Variants in KATNAL1 observed in about 807,000 individuals in gnomAD.
KATNAL1 encodes the protein katanin p60 ATPase-containing subunit A-like 1.
In KATNAL1, 32 loss-of-function variants were observed where a neutral mutation model predicts 55.2. The ratio of observed to expected loss-of-function variants is 0.58; its 90% CI spans 0.44 to 0.78. The LOEUF is 0.78. Ranked by LOEUF, KATNAL1 falls within the 30% of genes least tolerant of loss-of-function variation. The pLI, the probability that KATNAL1 is intolerant of heterozygous loss-of-function variation, is 0.00. For missense variants in KATNAL1, 466 were observed against 600.9 expected, an observed-to-expected ratio of 0.78 and a Z score of 2.35; for synonymous variants, 193 against 193.6, an observed-to-expected ratio of 1.00 and a Z score of 0.02.
chr13:30,208,423 TCC>T lies in KATNAL1; in HGVS notation c.*115_*116del. On this transcript the variant is annotated 3_prime_UTR_variant, in exon 11 of 11. Transcript: ENST00000380615. Reference sequence around the variant, plus strand: ...TTCTTCGCAGTTTTAGATTTTTTTTTCCTTTAAGCGAAAACCACTCCACTGAA... The same window carrying T: ...TTCTTCGCAGTTTTAGATTTTTTTTTTTTAAGCGAAAACCACTCCACTGAA... 6.4e-6 allele frequency: 5 copies of T among 782,288 alleles called. No individual in the cohort carries two copies. Among genetic ancestry groups the T allele is most frequent in the Non-Finnish European group, 7.9e-6 (4 of 506,724 alleles). The allele number at this position is 782,288 out of a possible 1,614,324, so 48.5% of individuals were successfully genotyped here.
chr13:30,273,920 AC>A (rs112030252), intron 3 of KATNAL1, among the ~76,000 whole-genome samples: 12,802 of 152,134 alleles, frequency 0.084, 733 homozygotes, highest in African/African-American at 0.16. Context: ...CTCATTAATC[AC>A]CAAATCCAGT....
At chr13:30,217,713 C>T (rs1874429902) in intron 9 of KATNAL1, among the ~76,000 whole-genome samples, 1 of 152,194 alleles carries the variant, frequency 6.6e-6, no homozygotes, top group African/African-American at 2.4e-5. Context: ...CCTGCTCTCA[C>T]TTAGCCTCTG....
chr13:30,295,728 A>C (rs1383913434), intron 1 of KATNAL1, among the ~76,000 whole-genome samples: 1 of 152,220 alleles, frequency 6.6e-6, no homozygotes, highest in African/African-American at 2.4e-5. Context: ...ACAATAAAGG[A>C]TTTAGATTAC....
chr13:30,286,021 A>G (rs925837778), intron 1 of KATNAL1, among the ~76,000 whole-genome samples: 13 of 152,216 alleles, frequency 8.5e-5, no homozygotes, highest in Admixed American at 1.3e-4. Context: ...ATTGCTCTTA[A>G]AAGCATACAG....
rs1712380259 is a variant in KATNAL1, at chr13:30,203,909, A to G, written c.*4631T>C. On this transcript the variant is annotated 3_prime_UTR_variant, in exon 11 of 11. Transcript: ENST00000380615. The stretch of plus-strand genomic sequence containing the variant: ...ATGTCAAAAAAATTTAAGTATGAAA[A>G]GCCTAATTTAAAAGTATAAATAAGT... 6.6e-6 allele frequency: 1 copy of G among 152,198 alleles called. No individual in the cohort carries two copies. Among genetic ancestry groups the G allele is most frequent in the Admixed American group, 6.5e-5 (1 of 15,282 alleles). 9.4% of individuals were successfully genotyped at this position (152,198 alleles called of 1,614,324 possible).
intron 4 of KATNAL1, among the ~76,000 whole-genome samples, chr13:30,244,078 C>T (rs1282097521): frequency 6.6e-6 from 1 of 152,090 alleles, no homozygotes; most frequent in East Asian, 1.9e-4. Flanking sequence ...TATCCTTCCC[C>T]TAGTCCCCCA....
chr13:30,237,862 T>C (rs895256765), intron 6 of KATNAL1, among the ~76,000 whole-genome samples: 1 of 152,212 alleles, frequency 6.6e-6, no homozygotes, highest in African/African-American at 2.4e-5. Context: ...TATTTTGCCA[T>C]AGGCAAAAGC....
At chr13:30,285,740 C>G (rs762066623) in intron 1 of KATNAL1, among the ~76,000 whole-genome samples, 27 of 152,080 alleles carry the variant, frequency 1.8e-4, no homozygotes, top group Non-Finnish European at 2.9e-5. Context: ...CAGAAGAACA[C>G]AGAAAAATGT....
At chr13:30,300,571 A>G (rs747452803) in intron 1 of KATNAL1, among the ~76,000 whole-genome samples, 16 of 152,202 alleles carry the variant, frequency 1.1e-4, no homozygotes, top group Non-Finnish European at 2.1e-4. Context: ...TATGTCATAC[A>G]ATGGCTGCTA....
intron 4 of KATNAL1, among the ~76,000 whole-genome samples, chr13:30,242,177 C>T (rs1006723260): frequency 2.0e-5 from 3 of 152,234 alleles, no homozygotes; most frequent in East Asian, 1.9e-4. Context: ...ATTCTAGAAA[C>T]GTATCAACGA....
chr13:30,212,932 C>A (rs1292997155), intron 9 of KATNAL1, among the ~76,000 whole-genome samples: 1 of 152,072 alleles, frequency 6.6e-6, no homozygotes, highest in Non-Finnish European at 1.5e-5. Context: ...GGGCTCTAAT[C>A]CAACATGACT....
intron 2 of KATNAL1, 107 bp from the exon 3 acceptor site, chr13:30,280,330 A>C (rs1881188157): frequency 1.4e-6 from 1 of 721,942 alleles, no homozygotes; most frequent in Non-Finnish European, 2.0e-6. Flanking sequence ...CAAAGGGTGA[A>C]AAATGAATCA....
intron 1 of KATNAL1, chr13:30,296,356 C>T (rs1321842738): frequency 9.7e-6 from 11 of 1,133,616 alleles, no homozygotes; most frequent in Admixed American, 3.7e-5. Context: ...AGCTGGGCTG[C>T]GAAGTGCTGG....
At chr13:30,243,673 AAAAG>A (rs555271951) in intron 4 of KATNAL1, among the ~76,000 whole-genome samples, 39 of 151,912 alleles carry the variant, frequency 2.6e-4, no homozygotes, top group African/African-American at 8.7e-4. Flanking sequence ...TCAGATCAGC[AAAAG>A]AAAGAATTTT....
chr13:30,263,475 C>T (rs1187469624), intron 3 of KATNAL1, among the ~76,000 whole-genome samples: 41 of 151,520 alleles, frequency 2.7e-4, no homozygotes, highest in African/African-American at 5.1e-4. Context: ...AAAACCCCAT[C>T]GTCTCAGCCC....
intron 3 of KATNAL1, among the ~76,000 whole-genome samples, chr13:30,259,730 G>A (rs1003384785): frequency 7.2e-5 from 11 of 152,298 alleles, no homozygotes; most frequent in East Asian, 1.9e-4. Context: ...CTATGCCCAC[G>A]GAGTCTTGCT....
Position 30,280,961 on chromosome 13 carries a change from A to G in KATNAL1, c.163-738T>C, listed in dbSNP as rs1019169275. ...TCAAGACCAGCCTGGGGAAACAAAA[A>G]AATTAGTCCAGGCATGACAGCATGA... On this transcript the variant is annotated intron_variant, in intron 2 of 10. Coordinates refer to ENST00000380615, the MANE Select transcript of KATNAL1 (RefSeq NM_032116.5). 2.0e-5 allele frequency among the ~76,000 whole-genome samples: 3 copies of G among 152,144 alleles called. No homozygotes were observed. In the East Asian group the frequency reaches 5.8e-4, roughly 29 times the overall value.
At chr13:30,211,440 T>C (rs1873678763) in intron 9 of KATNAL1, among the ~76,000 whole-genome samples, 1 of 152,226 alleles carries the variant, frequency 6.6e-6, no homozygotes, top group South Asian at 2.1e-4. Flanking sequence ...TATCAGGAGA[T>C]TTAATACTGG....
intron 4 of KATNAL1, among the ~76,000 whole-genome samples, chr13:30,245,172 C>T (rs1008109653): frequency 1.3e-5 from 2 of 152,026 alleles, no homozygotes; most frequent in Non-Finnish European, 2.9e-5. Context: ...ACTGGCAAAC[C>T]GAATCCAGCA....
Sources: gnomAD v4.1 joint callset for allele counts (sites outside exome capture counted in the v4.1 genomes callset) on GRCh38, gnomAD v4.1.1 for gene constraint, MANE v1.5 for transcripts, NCBI Gene and HGNC (gene_info 2026-07-23, HGNC 2026-07-21) for gene names.